Variants in AFF3 observed in about 807,000 individuals in gnomAD.
AFF3 encodes ALF transcription elongation factor 3.
In AFF3, 32 loss-of-function variants were observed where a neutral mutation model predicts 129.7. The observed-to-expected ratio is 0.25, with a 90% CI of 0.19 to 0.33. The LOEUF (loss-of-function observed/expected upper bound fraction) is 0.33, where lower values mean the gene tolerates loss of function less well. Among genes scored for constraint, AFF3 ranks in the 10% least tolerant of loss-of-function variants. The pLI is 1.00. For missense variants in AFF3, 1,373 were observed against 1,592.0 expected (o/e 0.86, Z 2.34); for synonymous variants, 644 against 635.4 (o/e 1.01, Z -0.20).
intron 4 of AFF3, among the ~76,000 whole-genome samples, chr2:100,037,978 T>C (rs1053274044): frequency 6.6e-6 from 1 of 151,300 alleles, no homozygotes; most frequent in Non-Finnish European, 1.5e-5. Flanking sequence ...TTATTGGATT[T>C]GGATCTCTGC....
chr2:99,841,213 C>T (rs1275121461), intron 7 of AFF3, among the ~76,000 whole-genome samples: 2 of 152,204 alleles, frequency 1.3e-5, no homozygotes, highest in African/African-American at 4.8e-5. Context: ...ATAACTATCT[C>T]CCTTATAATC....
intron 13 of AFF3, among the ~76,000 whole-genome samples, chr2:99,640,185 A>G (rs897813769): frequency 1.3e-5 from 2 of 152,188 alleles, no homozygotes; most frequent in African/African-American, 4.8e-5. Context: ...ATTTGTTGAT[A>G]CTTGTTTTTC....
chr2:99,579,217 C>G (rs932618521), intron 17 of AFF3, among the ~76,000 whole-genome samples: 2 of 151,160 alleles, frequency 1.3e-5, no homozygotes, highest in Admixed American at 1.3e-4. Flanking sequence ...GCCAGACTGA[C>G]CAACATGGTG....
At chr2:100,140,068 C>T (rs961569979) in intron 1 of AFF3, among the ~76,000 whole-genome samples, 1 of 152,096 alleles carries the variant, frequency 6.6e-6, no homozygotes, top group African/African-American at 2.4e-5. Context: ...TTGCCTTTAC[C>T]GAAGGTGGAT....
chr2:99,859,984 G>C (rs1237380186), intron 7 of AFF3, among the ~76,000 whole-genome samples: 1 of 152,130 alleles, frequency 6.6e-6, no homozygotes, highest in Non-Finnish European at 1.5e-5. Context: ...TCTTTACTAA[G>C]AAATGCATAT....
chr2:100,080,710 C>A (rs982409346), intron 4 of AFF3, among the ~76,000 whole-genome samples: 11 of 152,074 alleles, frequency 7.2e-5, no homozygotes, highest in African/African-American at 2.7e-4. Context: ...CTGTATGTTG[C>A]CCCCACCCCC....
chr2:100,116,535 C>T (rs1462430182), intron 2 of AFF3, among the ~76,000 whole-genome samples: 1 of 152,044 alleles, frequency 6.6e-6, no homozygotes, highest in Admixed American at 6.5e-5. Flanking sequence ...TACTGTTGAA[C>T]TTGAAAGTAA....
intron 18 of AFF3, among the ~76,000 whole-genome samples, chr2:99,576,700 G>A (rs193263323): frequency 3.9e-5 from 6 of 152,178 alleles, no homozygotes; most frequent in South Asian, 2.1e-4. Context: ...GCAAGTATGC[G>A]GTGGTGTGAG....
chr2:99,678,752 A>G (rs1485223430), intron 11 of AFF3, among the ~76,000 whole-genome samples: 1 of 152,222 alleles, frequency 6.6e-6, no homozygotes, highest in African/African-American at 2.4e-5. Context: ...GTCTATTCTA[A>G]CAATTAGCAT....
intron 8 of AFF3, among the ~76,000 whole-genome samples, chr2:99,835,761 A>G (rs1688826132): frequency 6.6e-6 from 1 of 152,134 alleles, no homozygotes; most frequent in African/African-American, 2.4e-5. Flanking sequence ...GCCCTCTCGC[A>G]CACACATGCA....
At chr2:100,117,511 A>T (rs1190345914) in intron 2 of AFF3, among the ~76,000 whole-genome samples, 5 of 152,212 alleles carry the variant, frequency 3.3e-5, no homozygotes, top group Admixed American at 3.3e-4. Context: ...GGCCTCTGCC[A>T]AATTCTCAAC....
chr2:99,748,974 T>C (rs1681399026), intron 9 of AFF3, among the ~76,000 whole-genome samples: 1 of 152,208 alleles, frequency 6.6e-6, no homozygotes, highest in African/African-American at 2.4e-5. Context: ...TGACATCTAG[T>C]ACTTGGCTTT....
chr2:99,902,250 G>A (rs1481753156), intron 7 of AFF3, among the ~76,000 whole-genome samples: 1 of 151,866 alleles, frequency 6.6e-6, no homozygotes, highest in Admixed American at 6.6e-5. Flanking sequence ...AAATCTGGAA[G>A]TCACATGCTA....
At chr2:100,075,360 T>G (rs2105324461) in intron 4 of AFF3, among the ~76,000 whole-genome samples, 2 of 152,276 alleles carry the variant, frequency 1.3e-5, no homozygotes, top group South Asian at 4.1e-4. Context: ...GCAATCATTT[T>G]GCCCCCTCTA....
intron 7 of AFF3, among the ~76,000 whole-genome samples, chr2:99,841,681 C>T (rs1689328994): frequency 6.6e-6 from 1 of 152,166 alleles, no homozygotes; most frequent in Non-Finnish European, 1.5e-5. Context: ...AACTTTGGAG[C>T]TCCTTTCAGC....
chr2:99,863,948 A>T (rs547025149), intron 7 of AFF3, among the ~76,000 whole-genome samples: 1 of 152,364 alleles, frequency 6.6e-6, no homozygotes, highest in Admixed American at 6.5e-5. Flanking sequence ...AGCCATCAGA[A>T]TATCAGGAAA....
At chr2:99,618,322 G>T (rs962913261) in intron 13 of AFF3, among the ~76,000 whole-genome samples, 9 of 128,502 alleles carry the variant, frequency 7.0e-5, no homozygotes, top group African/African-American at 2.6e-4. Context: ...TGCAAACTCC[G>T]CCTCCTGGGT....
chr2:99,935,406 T>G (rs1256801813), intron 7 of AFF3, among the ~76,000 whole-genome samples: 1 of 152,232 alleles, frequency 6.6e-6, no homozygotes, highest in East Asian at 1.9e-4. Context: ...TCATAAGCAC[T>G]TTATAACTCT....
Position 100,094,512 on chromosome 2 carries a change from A to G in AFF3, c.53+9890T>C, listed in dbSNP as rs983878235. ...TCAGGCAGTAATGTTAGCAATGGGG[A>G]GCAGCTGTAAATACAGATGAAGCTT... On this transcript the variant is annotated intron_variant, in intron 4 of 24. Coordinates refer to ENST00000672756, the MANE Select transcript of AFF3 (RefSeq NM_001386135.1). Among the ~76,000 whole-genome samples the G allele has an allele frequency of 4.9e-4, 74 of 151,986 alleles. 2 individuals carry two copies. The highest frequency in any genetic ancestry group is 1.2e-4 in the Non-Finnish European group (8 of 68,008).
Sources: allele counts gnomAD v4.1 joint callset (sites outside exome capture counted in the v4.1 genomes callset), GRCh38; gene constraint gnomAD v4.1.1; transcripts MANE v1.5; gene names NCBI Gene and HGNC (gene_info 2026-07-23, HGNC 2026-07-21).